The following PTPN4 variants were observed in gnomAD, a reference collection of about 807,000 sequenced individuals.
PTPN4 encodes the protein protein tyrosine phosphatase non-receptor type 4.
Under a neutral mutation model 135.5 loss-of-function variants are expected in PTPN4, and 49 were observed. The observed-to-expected ratio is 0.36, with a 90% CI of 0.29 to 0.46. PTPN4 has a LOEUF of 0.46. PTPN4 is among the 20% of genes least tolerant of loss of function. PTPN4 has a pLI of 1.00. For synonymous variants in PTPN4, 333 were observed against 369.9 expected (o/e 0.90, Z 1.14); for missense variants, 860 against 1,101.0 (o/e 0.78, Z 3.10).
rs745385112 is a variant in PTPN4 at position 119,915,185 on chromosome 2, G to A, written c.771G>A (p.Lys257=). Residue 257 remains lysine (K), a synonymous_variant, in exon 11 of 27, where the codon AAG becomes AAA. Transcript: ENST00000263708. The stretch of plus-strand genomic sequence containing the variant: ...TTTATTGTCTTTTGTCCAGGTTGAA[G>A]ATTGTAAAAATTTCTTTTAAGTGCA... ...RVRMNTFPWL[K]IVKISFKCKQ... 1.9e-6 allele frequency: 3 copies of A among 1,540,618 alleles called. No homozygotes were observed. Among genetic ancestry groups the A allele is most frequent in the African/African-American group, 1.4e-5 (1 of 70,684 alleles).
intron 15 of PTPN4, among the ~76,000 whole-genome samples, chr2:119,941,577 G>A (rs1055088902): frequency 6.6e-6 from 1 of 152,172 alleles, no homozygotes; most frequent in Non-Finnish European, 1.5e-5. Context: ...CTCTGCAGCA[G>A]TCAGGCATAT....
intron 1 of PTPN4, among the ~76,000 whole-genome samples, chr2:119,771,299 A>G (rs547704239): frequency 6.6e-6 from 1 of 152,338 alleles, no homozygotes; most frequent in South Asian, 2.1e-4. Flanking sequence ...TGCCTAATCT[A>G]GCTTTTACCC....
intron 1 of PTPN4, among the ~76,000 whole-genome samples, chr2:119,790,797 T>G (rs1349701725): frequency 6.6e-6 from 1 of 152,204 alleles, no homozygotes; most frequent in Admixed American, 6.5e-5. Flanking sequence ...TTGATATTTT[T>G]AAATTTGTCA....
chr2:119,871,679 T>G (rs1174583119), intron 3 of PTPN4, among the ~76,000 whole-genome samples: 1 of 152,144 alleles, frequency 6.6e-6, no homozygotes, highest in Admixed American at 6.5e-5. Flanking sequence ...GACTTTTATG[T>G]TTTTTTGCTC....
chr2:119,856,070 C>T (rs989783478), intron 2 of PTPN4, among the ~76,000 whole-genome samples: 2 of 152,152 alleles, frequency 1.3e-5, no homozygotes, highest in African/African-American at 4.8e-5. Flanking sequence ...TCCCAAAGTG[C>T]TGGTATTACA....
chr2:119,867,862 T>C (rs1346043328), intron 3 of PTPN4, among the ~76,000 whole-genome samples: 4 of 152,224 alleles, frequency 2.6e-5, no homozygotes, highest in African/African-American at 9.6e-5. Flanking sequence ...CTTTTGTAAA[T>C]AGGGACAGTT....
At chr2:119,915,074 A>T in intron 10 of PTPN4, 105 bp from the exon 11 acceptor site, 3 of 969,856 alleles carry the variant, frequency 3.1e-6, no homozygotes. Context: ...ATATATGATA[A>T]AATGTTTAGA....
chr2:119,903,985 A>G (rs1678447571), intron 10 of PTPN4, among the ~76,000 whole-genome samples: 2 of 152,244 alleles, frequency 1.3e-5, no homozygotes, highest in South Asian at 4.1e-4. Context: ...CTATCCAGCC[A>G]ACACTATAGG....
chr2:119,949,418 A>G (rs571783155), intron 18 of PTPN4, among the ~76,000 whole-genome samples: 2 of 152,288 alleles, frequency 1.3e-5, no homozygotes, highest in South Asian at 4.1e-4. Flanking sequence ...ATGGGATTCA[A>G]ATATTTTATT....
rs146919920 is a variant in PTPN4 at position 119,816,564 on chromosome 2, T to C, written c.138+6573T>C. Among the ~76,000 whole-genome samples the C allele has an allele frequency of 2.0e-3, 309 of 152,336 alleles. 1 individual carries two copies. Among genetic ancestry groups the C allele is most frequent in the Non-Finnish European group, 3.7e-3 (254 of 68,036 alleles). On this transcript the variant is annotated intron_variant, in intron 2 of 26. Coordinates refer to ENST00000263708, the MANE Select transcript of PTPN4 (RefSeq NM_002830.4). The stretch of plus-strand genomic sequence containing the variant: ...TTTATTGTGTATTTAATTTCTGTTA[T>C]TACTGCATTGTAACATATCATGAAA...
intron 1 of PTPN4, among the ~76,000 whole-genome samples, chr2:119,777,252 G>A (rs973777785): frequency 3.9e-5 from 6 of 152,278 alleles, no homozygotes; most frequent in Middle Eastern, 6.8e-3. Context: ...GTTCCAGGCA[G>A]ATGGAGTATG....
intron 25 of PTPN4, among the ~76,000 whole-genome samples, chr2:119,966,185 C>T (rs1354523630): frequency 6.6e-6 from 1 of 152,060 alleles, no homozygotes; most frequent in South Asian, 2.1e-4. Flanking sequence ...AGGGGTGAAC[C>T]CACTCTCTGA....
At chr2:119,936,270 G>A (rs1678982148) in intron 15 of PTPN4, among the ~76,000 whole-genome samples, 1 of 152,122 alleles carries the variant, frequency 6.6e-6, no homozygotes, top group Admixed American at 6.5e-5. Flanking sequence ...CCAAAGTGCT[G>A]GGATTCCAGG....
chr2:119,919,700 T>A (rs1431568476), intron 11 of PTPN4, among the ~76,000 whole-genome samples: 2 of 152,046 alleles, frequency 1.3e-5, no homozygotes, highest in African/African-American at 2.4e-5. Context: ...GGTGCATGCC[T>A]TTAATTCCTG....
At chr2:119,895,068 A>G (rs2105011217) in intron 9 of PTPN4, among the ~76,000 whole-genome samples, 1 of 152,330 alleles carries the variant, frequency 6.6e-6, no homozygotes. Flanking sequence ...AAGATAGAGG[A>G]AAATATACAC....
rs183367443 is a variant in PTPN4 at position 119,785,480 on chromosome 2, G to T, written c.-17-24357G>T. Among the ~76,000 whole-genome samples the T allele has an allele frequency of 2.7e-4, 41 of 152,238 alleles. No individual in the cohort carries two copies. In the East Asian group the frequency reaches 6.2e-3, roughly 23 times the overall value. On this transcript the variant is annotated intron_variant, in intron 1 of 26. Transcript: ENST00000263708. Reference sequence around the variant, plus strand: ...CTGGTAATATACTGGTTTCAGGTCAGATTAATGGCATAGTAGAGTTGTTAA... The same window carrying T: ...CTGGTAATATACTGGTTTCAGGTCATATTAATGGCATAGTAGAGTTGTTAA...
At chr2:119,913,873 T>C (rs1338281441) in intron 10 of PTPN4, among the ~76,000 whole-genome samples, 1 of 152,182 alleles carries the variant, frequency 6.6e-6, no homozygotes, top group Admixed American at 6.6e-5. Flanking sequence ...AAAACGGTTA[T>C]GGCTATATTA....
chr2:119,812,315 A>G (rs1254350628), intron 2 of PTPN4, among the ~76,000 whole-genome samples: 1 of 152,188 alleles, frequency 6.6e-6, no homozygotes, highest in Non-Finnish European at 1.5e-5. Flanking sequence ...GGCAGCTGCC[A>G]GGTTCACCAG....
intron 2 of PTPN4, among the ~76,000 whole-genome samples, chr2:119,844,876 C>T (rs1204755184): frequency 4.0e-5 from 6 of 151,048 alleles, no homozygotes; most frequent in South Asian, 2.1e-4. Context: ...GCTGCAATCT[C>T]GGCACTTTGG....
Sources: gnomAD v4.1 joint callset for allele counts (sites outside exome capture counted in the v4.1 genomes callset) on GRCh38, gnomAD v4.1.1 for gene constraint, MANE v1.5 for transcripts, NCBI Gene and HGNC (gene_info 2026-07-23, HGNC 2026-07-21) for gene names.